Variants in PDE1A observed in about 807,000 individuals in gnomAD.
PDE1A encodes phosphodiesterase 1A.
Under a neutral mutation model 61.7 loss-of-function variants are expected in PDE1A, and 35 were observed. The ratio of observed to expected loss-of-function variants is 0.57; its 90% CI spans 0.43 to 0.75. The LOEUF (loss-of-function observed/expected upper bound fraction) is 0.75, where lower values mean the gene tolerates loss of function less well. PDE1A is among the 30% of genes least tolerant of loss of function. The probability of loss-of-function intolerance (pLI) is 0.00; values close to 1 mark genes in which losing one functional copy is unlikely to be tolerated. For synonymous variants in PDE1A, 232 were observed against 213.2 expected, an observed-to-expected ratio of 1.09 and a Z score of -0.77; for missense variants, 597 against 630.6, an observed-to-expected ratio of 0.95 and a Z score of 0.57.
the PDE1A span, among the ~76,000 whole-genome samples, chr2:182,652,813 C>T: frequency 6.6e-6 from 1 of 152,128 alleles, no homozygotes; most frequent in South Asian, 2.1e-4. Flanking sequence ...TTTCTCTCTC[C>T]CTTTTGTCCA....
the PDE1A span, among the ~76,000 whole-genome samples, chr2:182,616,941 C>T: frequency 6.6e-6 from 1 of 152,140 alleles, no homozygotes; most frequent in African/African-American, 2.4e-5. Context: ...GGGAGTGATG[C>T]CTTATGCCAG....
At chr2:182,522,604 ACAGATGCT>A in intron 1 of PDE1A, 2 of 1,323,334 alleles carry the variant, frequency 1.5e-6, no homozygotes, top group East Asian at 5.8e-5. Flanking sequence ...AGCAGTATAA[ACAGATGCT>A]CTGACCTCAC....
intron 1 of PDE1A, among the ~76,000 whole-genome samples, chr2:182,273,472 A>AT (rs979345120): frequency 1.3e-5 from 2 of 149,806 alleles, no homozygotes; most frequent in East Asian, 3.9e-4. Context: ...TAACATAAAA[A>AT]ATATATATAT....
At chr2:182,409,720 CTT>C (rs1702504464) in intron 1 of PDE1A, among the ~76,000 whole-genome samples, 1 of 152,102 alleles carries the variant, frequency 6.6e-6, no homozygotes, top group Non-Finnish European at 1.5e-5. Context: ...GCCAAAATGT[CTT>C]TTTATAGATG....
At position 182,346,405 on chromosome 2, in the gene PDE1A, G is replaced by C. The variant is rs540058572; in HGVS notation, c.53+80173C>G. ...TAAAAGAGCAGACATGTTTTCTTAT[G>C]GATACCAGATCAGGGAGGGTAAGTT... On this transcript the variant is annotated intron_variant, in intron 1 of 13. Coordinates refer to ENST00000351439, the Ensembl canonical transcript of PDE1A. Among the ~76,000 whole-genome samples, 68 of 152,236 alleles carry C rather than the reference G, an allele frequency of 4.5e-4. No homozygotes were observed. In the South Asian group the frequency reaches 0.011, roughly 25 times the overall value.
chr2:182,245,943 G>A (rs1204891567), intron 2 of PDE1A, among the ~76,000 whole-genome samples: 3 of 152,164 alleles, frequency 2.0e-5, no homozygotes, highest in Non-Finnish European at 4.4e-5. Flanking sequence ...TGTAACGAAT[G>A]AGCCAGAGGC....
chr2:182,264,878 C>CATATATATATATATATATAT lies in PDE1A; in HGVS notation c.54-465_54-464insATATATATATATATATATAT, dbSNP rs148358464. Among the ~76,000 whole-genome samples, 678 of 106,786 alleles carry CATATATATATATATATATAT rather than the reference C, an allele frequency of 6.3e-3. 58 individuals are homozygous for CATATATATATATATATATAT. The highest frequency in any genetic ancestry group is 0.013 in the African/African-American group (343 of 27,060). The allele number at this position is 106,786 out of a possible 152,430, so 70.1% of individuals were successfully genotyped here. ...ATAAAGAAAATGTGGTATATATATA[C>CATATATATATATATATATAT]ATATATATATATATGTATATATATA... On this transcript the variant is annotated intron_variant, in intron 1 of 13. Coordinates refer to ENST00000351439, the Ensembl canonical transcript of PDE1A.
At chr2:182,628,054 GCA>G in the PDE1A span, among the ~76,000 whole-genome samples, 162 of 150,738 alleles carry the variant, frequency 1.1e-3, no homozygotes, top group African/African-American at 2.5e-3. Flanking sequence ...GTGTATGTGT[GCA>G]CACACACACA....
chr2:182,686,985 G>C, the PDE1A span, among the ~76,000 whole-genome samples: 1 of 152,230 alleles, frequency 6.6e-6, no homozygotes, highest in South Asian at 2.1e-4. Flanking sequence ...CTGGGGGAGG[G>C]GCGCCCGCCA....
intron 1 of PDE1A, among the ~76,000 whole-genome samples, chr2:182,287,751 A>C (rs991649123): frequency 1.3e-5 from 2 of 152,130 alleles, no homozygotes; most frequent in Non-Finnish European, 2.9e-5. Flanking sequence ...TTAGCTGACC[A>C]ATTTACTTGT....
chr2:182,186,943 T>G (rs769665384), intron 11 of PDE1A, among the ~76,000 whole-genome samples: 2 of 152,206 alleles, frequency 1.3e-5, no homozygotes, highest in Admixed American at 6.5e-5. Context: ...CCAGGGATCA[T>G]TATCTTTTTT....
intron 1 of PDE1A, among the ~76,000 whole-genome samples, chr2:182,323,996 G>T (rs899805298): frequency 1.3e-5 from 2 of 152,112 alleles, no homozygotes; most frequent in African/African-American, 4.8e-5. Context: ...CGCTACACCA[G>T]TAGGGAAGAC....
chr2:182,544,951 T>C, the PDE1A span, among the ~76,000 whole-genome samples: 3 of 152,312 alleles, frequency 2.0e-5, no homozygotes, highest in African/African-American at 7.2e-5. Flanking sequence ...TCACGTCTCA[T>C]TTTATCATTT....
At chr2:182,482,396 C>A (rs1358711313) in intron 2 of PDE1A, among the ~76,000 whole-genome samples, 2 of 151,648 alleles carry the variant, frequency 1.3e-5, no homozygotes, top group African/African-American at 4.8e-5. Flanking sequence ...TTTCAGTTAT[C>A]ATTTTTCATT....
At chr2:182,276,378 T>G (rs1436312056) in intron 1 of PDE1A, among the ~76,000 whole-genome samples, 1 of 152,084 alleles carries the variant, frequency 6.6e-6, no homozygotes, top group African/African-American at 2.4e-5. Context: ...TTCCCAAAAT[T>G]AATACTTTTA....
At position 182,371,866 on chromosome 2, in the gene PDE1A, C is replaced by T. The variant is rs146870563; in HGVS notation, c.53+54712G>A. On this transcript the variant is annotated intron_variant, in intron 1 of 13. Transcript: ENST00000351439. The stretch of plus-strand genomic sequence containing the variant: ...GTGATGCCATCTTGGCTCACTGCAA[C>T]CTCCGTTTCCTGGGCTCAAGGGATC... Among the ~76,000 whole-genome samples, 18 of 152,340 alleles carry T rather than the reference C, an allele frequency of 1.2e-4. 1 individual carries two copies. The East Asian group carries it at 2.9e-3, about 24-fold the overall frequency.
intron 13 of PDE1A, among the ~76,000 whole-genome samples, chr2:182,153,227 T>G (rs1393918150): frequency 2.0e-5 from 3 of 152,198 alleles, no homozygotes; most frequent in Non-Finnish European, 4.4e-5. Flanking sequence ...TGAAATAGTT[T>G]AACAATGTGG....
chr2:182,149,047 A>G (rs1690638553), intron 13 of PDE1A, among the ~76,000 whole-genome samples: 1 of 152,018 alleles, frequency 6.6e-6, no homozygotes, highest in Non-Finnish European at 1.5e-5. Context: ...TCTGACATTT[A>G]TCATGTTAGA....
intron 2 of PDE1A, among the ~76,000 whole-genome samples, chr2:182,463,279 A>T (rs1686430918): frequency 6.6e-6 from 1 of 151,520 alleles, no homozygotes; most frequent in African/African-American, 2.4e-5. Flanking sequence ...TAATAAAAAT[A>T]AAAACAAAAA....
Sources: gnomAD v4.1 joint callset for allele counts (sites outside exome capture counted in the v4.1 genomes callset) on GRCh38, gnomAD v4.1.1 for gene constraint, MANE v1.5 for transcripts, NCBI Gene and HGNC (gene_info 2026-07-23, HGNC 2026-07-21) for gene names.